CCDC149: variants seen among roughly 807,000 people sequenced by gnomAD.
The protein encoded by CCDC149 is coiled-coil domain containing 149.
Under a neutral mutation model 59.9 loss-of-function variants are expected in CCDC149, and 45 were observed. The ratio of observed to expected loss-of-function variants is 0.75; its 90% CI spans 0.59 to 0.96. CCDC149 has a LOEUF of 0.96. Among genes scored for constraint, CCDC149 ranks in the 40% least tolerant of loss-of-function variants. The probability of loss-of-function intolerance (pLI) is 0.00; values close to 1 mark genes in which losing one functional copy is unlikely to be tolerated. For missense variants in CCDC149, 584 were observed against 664.7 expected (o/e 0.88, Z 1.33); for synonymous variants, 245 against 260.6 (o/e 0.94, Z 0.58).
In CCDC149 at chr4:24,972,287, TTTTTCTTTTC is replaced by T. The variant is rs200651666; in HGVS notation, c.-65+7772_-65+7781del. ...TGTGGTTGAGGACTAAATTCTGACCTTTTTCTTTTCTTTTCTTTTCTTTTCTTTTCTTTTC... is the reference window on the plus strand; with the variant it reads ...TGTGGTTGAGGACTAAATTCTGACCTTTTTCTTTTCTTTTCTTTTCTTTTC... On this transcript the variant is annotated intron_variant, in intron 1 of 12. Coordinates refer to the CCDC149 transcript ENST00000389609. Among the ~76,000 whole-genome samples the T allele has an allele frequency of 6.1e-3, 875 of 142,736 alleles. 9 individuals are homozygous for T. Among genetic ancestry groups the T allele is most frequent in the African/African-American group, 0.02 (769 of 37,726 alleles). 93.6% of individuals were successfully genotyped at this position (142,736 alleles called of 152,430 possible).
At chr4:24,852,153 A>G (rs958341199) in intron 4 of CCDC149, among the ~76,000 whole-genome samples, 5 of 151,978 alleles carry the variant, frequency 3.3e-5, no homozygotes, top group African/African-American at 7.3e-5. Context: ...TATTTTAAAG[A>G]GTGAGCATTT....
At chr4:24,917,264 C>G (rs568758871), upstream of CCDC149, among the ~76,000 whole-genome samples, 2 of 152,222 alleles carry the variant, frequency 1.3e-5, no homozygotes, top group East Asian at 1.9e-4. Flanking sequence ...ACAGTCAGCA[C>G]GAGCTGCTCC....
At chr4:24,897,819 A>C (rs1560244229) in intron 1 of CCDC149, among the ~76,000 whole-genome samples, 1 of 152,204 alleles carries the variant, frequency 6.6e-6, no homozygotes, top group Non-Finnish European at 1.5e-5. Context: ...AGGTTCTCAG[A>C]AGAGGCCGCA....
chr4:24,864,634 G>A (rs1560224738), intron 3 of CCDC149, among the ~76,000 whole-genome samples: 1 of 152,184 alleles, frequency 6.6e-6, no homozygotes, highest in South Asian at 2.1e-4. Context: ...GGCCCTGCGT[G>A]AATTAAACTC....
intron 1 of CCDC149, among the ~76,000 whole-genome samples, chr4:24,898,711 A>G (rs532161078): frequency 6.6e-6 from 1 of 152,078 alleles, no homozygotes; most frequent in African/African-American, 2.4e-5. Context: ...CCTGCCAACA[A>G]TCCCCCATAC....
At chr4:24,918,365 G>A (rs990537580) in intron 1 of CCDC149, among the ~76,000 whole-genome samples, 2 of 152,164 alleles carry the variant, frequency 1.3e-5, no homozygotes, top group Non-Finnish European at 2.9e-5. Context: ...AATATTTATT[G>A]TCCATTAGGC....
rs1482147161 is a variant in CCDC149 at position 24,843,027 on chromosome 4, G to T, written c.373-4755C>A. Among the ~76,000 whole-genome samples the T allele has an allele frequency of 3.3e-5, 5 of 152,002 alleles. No homozygotes were observed. The East Asian group carries it at 9.7e-4, about 29-fold the overall frequency. ...GTGACTTGTTTAAAAAAAAAAAATG[G>T]ATAAAATCTATCTTGCAGACAGGAC... On this transcript the variant is annotated intron_variant, in intron 4 of 12. Coordinates refer to ENST00000635206, the MANE Select transcript of CCDC149 (RefSeq NM_001330643.2).
At chr4:24,820,468 T>C (rs1715320549) in intron 11 of CCDC149, among the ~76,000 whole-genome samples, 1 of 151,892 alleles carries the variant, frequency 6.6e-6, no homozygotes, top group Non-Finnish European at 1.5e-5. Context: ...AACTGGAGAG[T>C]TGGCTAAACA....
At chr4:24,939,740 C>T (rs934717019) in intron 1 of CCDC149, among the ~76,000 whole-genome samples, 10 of 152,022 alleles carry the variant, frequency 6.6e-5, no homozygotes, top group African/African-American at 1.2e-4. Flanking sequence ...GAGAACTACG[C>T]GACGAACGCA....
chr4:24,819,781 A>G, intron 12 of CCDC149, 78 bp downstream of exon 12: 1 of 982,684 alleles, frequency 1.0e-6, no homozygotes, highest in Non-Finnish European at 1.6e-6. Flanking sequence ...GGGAAGGGGA[A>G]GAGACCGATG....
At chr4:24,850,236 T>C (rs576505337) in intron 4 of CCDC149, among the ~76,000 whole-genome samples, 4 of 152,300 alleles carry the variant, frequency 2.6e-5, no homozygotes, top group Admixed American at 1.3e-4. Context: ...ATTCCTTCAA[T>C]AGAGATTATA....
At chr4:24,852,287 TACACACACACACACACACACAC>T (rs768071017) in intron 4 of CCDC149, among the ~76,000 whole-genome samples, 1 of 121,282 alleles carries the variant, frequency 8.2e-6, no homozygotes, top group African/African-American at 3.3e-5. Context: ...CAACACACCA[TACACACACACACACACACACAC>T]ACACACACAC....
rs1714985105 is a variant in CCDC149 at position 24,815,888 on chromosome 4, G to C, written c.1192+3971C>G. On this transcript the variant is annotated intron_variant, in intron 12 of 12. Coordinates refer to ENST00000635206, the MANE Select transcript of CCDC149 (RefSeq NM_001330643.2). Reference sequence around the variant, plus strand: ...GGGGCCAACACTGCTGTCCTCATTAGAGATTAAAACACAGCCACGATAAGA... The same window carrying C: ...GGGGCCAACACTGCTGTCCTCATTACAGATTAAAACACAGCCACGATAAGA... 2.6e-5 allele frequency among the ~76,000 whole-genome samples: 4 copies of C among 152,078 alleles called. No individual in the cohort carries two copies. In the South Asian group the frequency reaches 8.3e-4, roughly 32 times the overall value.
At chr4:24,881,846 C>T (rs1337416507) in intron 1 of CCDC149, among the ~76,000 whole-genome samples, 1 of 152,166 alleles carries the variant, frequency 6.6e-6, no homozygotes, top group Non-Finnish European at 1.5e-5. Flanking sequence ...CTATCATCTG[C>T]ATTTTATAAA....
chr4:24,935,227 G>C (rs967068107), intron 1 of CCDC149, among the ~76,000 whole-genome samples: 1 of 152,148 alleles, frequency 6.6e-6, no homozygotes, highest in South Asian at 2.1e-4. Flanking sequence ...AGAAGTGAAA[G>C]AAAGCGCATA....
At chr4:24,851,228 C>T (rs1242085295) in intron 4 of CCDC149, among the ~76,000 whole-genome samples, 2 of 152,230 alleles carry the variant, frequency 1.3e-5, no homozygotes, top group Non-Finnish European at 1.5e-5. Flanking sequence ...CTCTCTCACA[C>T]ACACTAACAC....
chr4:24,946,125 C>G lies in CCDC149; in HGVS notation c.-65+33944G>C, dbSNP rs187661001. On this transcript the variant is annotated intron_variant, in intron 1 of 12. Transcript: ENST00000389609. ...CCACCCTTGCTTGACCAATCACTCT[C>G]TCTTCTGGGACTTTAGGTTGTTAGC... Among the ~76,000 whole-genome samples, 19 of 152,324 alleles carry G rather than the reference C, an allele frequency of 1.2e-4. 1 individual carries two copies. Among genetic ancestry groups the G allele is most frequent in the African/African-American group, 4.6e-4 (19 of 41,580 alleles).
At chr4:24,980,042 T>C (rs1021994542) in intron 1 of CCDC149, 2 of 152,206 alleles carry the variant, frequency 1.3e-5, no homozygotes, top group African/African-American at 4.8e-5. Context: ...AACGAGGCAG[T>C]TAAACAGGAA....
intron 1 of CCDC149, among the ~76,000 whole-genome samples, chr4:24,961,249 A>G (rs1490959106): frequency 6.6e-6 from 1 of 152,186 alleles, no homozygotes; most frequent in Non-Finnish European, 1.5e-5. Flanking sequence ...TCCTCCATAT[A>G]TTCTGAACAG....
Sources: allele counts gnomAD v4.1 joint callset (sites outside exome capture counted in the v4.1 genomes callset), GRCh38; gene constraint gnomAD v4.1.1; transcripts MANE v1.5; gene names NCBI Gene and HGNC (gene_info 2026-07-23, HGNC 2026-07-21).